Variants in CTBP1 observed in about 807,000 individuals in gnomAD.
CTBP1 encodes C-terminal-binding protein 1.
Under a neutral mutation model 42.1 loss-of-function variants are expected in CTBP1, and 11 were observed. The ratio of observed to expected loss-of-function variants is 0.26; its 90% CI spans 0.16 to 0.43. The LOEUF (loss-of-function observed/expected upper bound fraction) is 0.43. Among genes scored for constraint, CTBP1 ranks in the 20% least tolerant of loss-of-function variants. The pLI, the probability that CTBP1 is intolerant of heterozygous loss-of-function variation, is 1.00. For synonymous variants in CTBP1, 324 were observed against 277.1 expected, an observed-to-expected ratio of 1.17 and a Z score of -1.68; for missense variants, 399 against 624.3, an observed-to-expected ratio of 0.64 and a Z score of 3.85.
At chr4:1,230,931 C>G (rs1378075074) in intron 3 of CTBP1, among the ~76,000 whole-genome samples, 1 of 152,280 alleles carries the variant, frequency 6.6e-6, no homozygotes, top group Non-Finnish European at 1.5e-5. Context: ...CGCAAGCTGC[C>G]TCCCCGACGA....
chr4:1,219,823 C>G (rs189481652), intron 5 of CTBP1, among the ~76,000 whole-genome samples: 1 of 152,200 alleles, frequency 6.6e-6, no homozygotes, highest in Admixed American at 6.5e-5. Context: ...CCACTGCACC[C>G]GGCCTAACAT....
chr4:1,213,365 G>A lies in CTBP1; in HGVS notation c.988+113C>T, dbSNP rs113457647. On this transcript the variant is annotated intron_variant, in intron 8 of 9. Transcript: ENST00000382952. ...GCTGGGGGTGCAGTGAGAGCACCAC[G>A]GGCCCTGAGCTGGCAGAACATGGGC... The A allele has an allele frequency of 4.8e-4, 730 of 1,524,006 alleles. 3 individuals are homozygous for A. In the African/African-American group the frequency reaches 8.3e-3, roughly 17 times the overall value. The allele number at this position is 1,524,006 out of a possible 1,614,324, so 94.4% of individuals were successfully genotyped here.
At chr4:1,237,169 G>A (rs1245320380) in intron 3 of CTBP1, 1 of 654,598 alleles carries the variant, frequency 1.5e-6, no homozygotes, top group African/African-American at 1.9e-5. Flanking sequence ...CCTCCTGATG[G>A]GGCTCAGGAT....
At chr4:1,239,733 C>A in intron 2 of CTBP1, among the ~76,000 whole-genome samples, 1 of 152,354 alleles carries the variant, frequency 6.6e-6, no homozygotes, top group Admixed American at 6.5e-5. Context: ...ATGCCCCTCC[C>A]GTGAGGTCCT....
rs558733836 is a variant in CTBP1, at chr4:1,233,676, A to G, written c.162+4507T>C. Among the ~76,000 whole-genome samples the G allele has an allele frequency of 3.9e-5, 6 of 152,112 alleles. No individual in the cohort carries two copies. The South Asian group carries it at 1.0e-3, about 26-fold the overall frequency. On this transcript the variant is annotated intron_variant, in intron 3 of 9. Coordinates refer to ENST00000382952, the MANE Select transcript of CTBP1 (RefSeq NM_001012614.2). The surrounding 1 kb of genome is among the most constrained non-coding windows in gnomAD (Gnocchi z 4.6). Reference sequence around the variant, plus strand: ...CATCCCCCACCCGTGGTATCAGTAAAATCCCAGTCCTGAACCTGAACACTG... The same window carrying G: ...CATCCCCCACCCGTGGTATCAGTAAGATCCCAGTCCTGAACCTGAACACTG...
intron 1 of CTBP1, among the ~76,000 whole-genome samples, chr4:1,245,977 C>T (rs896730828): frequency 6.6e-6 from 1 of 152,190 alleles, no homozygotes; most frequent in African/African-American, 2.4e-5. Context: ...AGAGACAACT[C>T]AAGGTTAACG....
chr4:1,216,337 A>T, intron 5 of CTBP1, 132 bp from the exon 6 acceptor site: 1 of 932,762 alleles, frequency 1.1e-6, no homozygotes, highest in East Asian at 2.6e-5. Context: ...GCTGTGGTCA[A>T]GCCAAGGTGC....
At chr4:1,228,938 A>G (rs529940943) in intron 3 of CTBP1, among the ~76,000 whole-genome samples, 2 of 152,346 alleles carry the variant, frequency 1.3e-5, no homozygotes, top group Admixed American at 1.3e-4. Context: ...ACCTGCCCAG[A>G]AATGCTGCCC....
rs564091110 is a variant in CTBP1 at position 1,238,046 on chromosome 4, G to A, written c.162+137C>T. 1.1e-4 allele frequency: 123 copies of A among 1,167,720 alleles called. No individual in the cohort carries two copies. The highest frequency in any genetic ancestry group is 2.4e-5 in the South Asian group (2 of 81,968). 72.3% of individuals were successfully genotyped at this position (1,167,720 alleles called of 1,614,324 possible). A position where few individuals can be genotyped will look rare whatever the true frequency, so the allele number is the denominator to read the frequency against. Reference sequence around the variant, plus strand: ...AACCCCGTGTCCACCTCCTGACGGCGCGGGACGACTGGGACAGAGGCTGCT... The same window carrying A: ...AACCCCGTGTCCACCTCCTGACGGCACGGGACGACTGGGACAGAGGCTGCT... On this transcript the variant is annotated intron_variant, in intron 3 of 9. Coordinates refer to ENST00000382952, the MANE Select transcript of CTBP1 (RefSeq NM_001012614.2). The surrounding 1 kb of genome is among the most constrained non-coding windows in gnomAD (Gnocchi z 5.9).
chr4:1,241,211 G>A (rs554935904), intron 2 of CTBP1, 114 bp downstream of exon 2: 9 of 771,560 alleles, frequency 1.2e-5, no homozygotes, highest in South Asian at 4.0e-5. Flanking sequence ...AGTCCGGCCC[G>A]ACGCCCATGC....
chr4:1,222,453 T>G (rs1228356284), intron 5 of CTBP1, among the ~76,000 whole-genome samples: 1 of 151,780 alleles, frequency 6.6e-6, no homozygotes, highest in Non-Finnish European at 1.5e-5. Context: ...CCCCAGCAGC[T>G]CCAGGGGGGC....
At chr4:1,247,301 T>C (rs1316942282) in intron 1 of CTBP1, among the ~76,000 whole-genome samples, 1 of 151,944 alleles carries the variant, frequency 6.6e-6, no homozygotes, top group Non-Finnish European at 1.5e-5. Flanking sequence ...CCACCCCCAG[T>C]GCGTGTCCCT....
chr4:1,244,056 G>A (rs1480417127), intron 1 of CTBP1: 14 of 985,284 alleles, frequency 1.4e-5, no homozygotes, highest in Non-Finnish European at 1.7e-5. Flanking sequence ...GAGGTGAGGG[G>A]CAGCAGCCCC....
chr4:1,213,433 G>A (rs750910313), intron 8 of CTBP1, 45 bp downstream of exon 8: 57 of 1,600,868 alleles, frequency 3.6e-5, no homozygotes, highest in Middle Eastern at 1.8e-4. Flanking sequence ...TCTGGGGCTG[G>A]CAGGAAGGGA....
rs931312538 is a variant in CTBP1, at chr4:1,223,815, G to GCACACA, written c.514+1539_514+1544dup. 1.2e-3 allele frequency among the ~76,000 whole-genome samples: 178 copies of GCACACA among 152,012 alleles called. 1 individual carries two copies. In the Middle Eastern group the frequency reaches 0.014, roughly 12 times the overall value. The stretch of plus-strand genomic sequence containing the variant: ...GCTCTACTCCCAGGATCTCACACAC[G>GCACACA]CACACACACACGTGCACAAACATGC... On this transcript the variant is annotated intron_variant, in intron 5 of 9. Coordinates refer to ENST00000382952, the MANE Select transcript of CTBP1 (RefSeq NM_001012614.2).
intron 1 of CTBP1, among the ~76,000 whole-genome samples, chr4:1,246,282 G>T (rs920038012): frequency 6.6e-6 from 1 of 151,992 alleles, no homozygotes; most frequent in African/African-American, 2.4e-5. Flanking sequence ...GCTCCACCCG[G>T]CGCTCCGACC....
At chr4:1,224,468 C>A (rs1046187337) in intron 5 of CTBP1, among the ~76,000 whole-genome samples, 5 of 151,076 alleles carry the variant, frequency 3.3e-5, no homozygotes, top group Non-Finnish European at 7.4e-5. Flanking sequence ...GCCCATGAGG[C>A]CTGTGTGTGC....
chr4:1,214,680 T>C (rs1055010163), intron 6 of CTBP1, among the ~76,000 whole-genome samples: 3 of 152,228 alleles, frequency 2.0e-5, no homozygotes, highest in Non-Finnish European at 4.4e-5. Context: ...ATCTGCCCTG[T>C]ATGGACCTGC....
Position 1,235,857 on chromosome 4 carries a change from G to C in CTBP1, c.162+2326C>G, listed in dbSNP as rs1427057502. 3 of 152,192 alleles carry C rather than the reference G, an allele frequency of 2.0e-5. No individual in the cohort carries two copies. In the South Asian group the frequency reaches 6.2e-4, roughly 31 times the overall value. 9.4% of individuals were successfully genotyped at this position (152,192 alleles called of 1,614,324 possible). A position where few individuals can be genotyped will look rare whatever the true frequency, so the allele number is the denominator to read the frequency against. ...CGGCTGACGCTGTCTTCCTCTAAAG[G>C]GGCCGTCTTACTTCTTTTGCCAGGC... On this transcript the variant is annotated intron_variant, in intron 3 of 9. Coordinates refer to ENST00000382952, the MANE Select transcript of CTBP1 (RefSeq NM_001012614.2). This position sits in a 1 kb window ranked among gnomAD's most constrained non-coding sequence, Gnocchi z 4.2.
Sources: gnomAD v4.1 joint callset for allele counts (sites outside exome capture counted in the v4.1 genomes callset) on GRCh38, gnomAD v4.1.1 for gene constraint, Gnocchi (gnomAD v3.1) non-coding constraint, MANE v1.5 for transcripts, NCBI Gene and HGNC (gene_info 2026-07-23, HGNC 2026-07-21) for gene names.